Variants in ATP10D observed in about 807,000 individuals in gnomAD.
ATP10D encodes ATPase phospholipid transporting 10D (putative).
A neutral mutation model predicts 144.8 loss-of-function variants in ATP10D; 89 were observed. The observed-to-expected ratio is 0.61, with a 90% CI of 0.52 to 0.73. The LOEUF (loss-of-function observed/expected upper bound fraction) is 0.73, where lower values mean the gene tolerates loss of function less well. ATP10D is among the 30% of genes least tolerant of loss of function. The probability of loss-of-function intolerance (pLI) is 0.00; values close to 1 mark genes in which losing one functional copy is unlikely to be tolerated. For missense variants in ATP10D, 1,603 were observed against 1,714.8 expected, an observed-to-expected ratio of 0.93 and a Z score of 1.15; for synonymous variants, 571 against 615.1, an observed-to-expected ratio of 0.93 and a Z score of 1.06.
intron 1 of ATP10D, among the ~76,000 whole-genome samples, chr4:47,504,562 G>GA (rs1309653832): frequency 2.6e-5 from 4 of 151,896 alleles, no homozygotes; most frequent in Admixed American, 2.6e-4. Context: ...AGGTCAAGGA[G>GA]ACTTTTTTTT....
In ATP10D at chr4:47,546,603, A is replaced by G. The variant is rs182195155; in HGVS notation, c.1397-21A>G. On this transcript the variant is annotated intron_variant, in intron 9 of 22. Transcript: ENST00000273859. ...AGTGGCTCTTCTCAGACATTGACTCAGTGTGCTTTTTATCCCACAGCCAGG... is the reference window on the plus strand; with the variant it reads ...AGTGGCTCTTCTCAGACATTGACTCGGTGTGCTTTTTATCCCACAGCCAGG... 7.7e-5 allele frequency: 124 copies of G among 1,602,672 alleles called. 1 individual carries two copies. In the African/African-American group the frequency reaches 1.6e-3, roughly 20 times the overall value.
At chr4:47,528,775 A>C (rs1717409114) in intron 5 of ATP10D, among the ~76,000 whole-genome samples, 1 of 152,258 alleles carries the variant, frequency 6.6e-6, no homozygotes, top group South Asian at 2.1e-4. Context: ...ACACACCAAC[A>C]GTGTATAAGC....
intron 1 of ATP10D, among the ~76,000 whole-genome samples, chr4:47,487,252 A>T (rs112976134): frequency 6.7e-6 from 1 of 149,656 alleles, no homozygotes; most frequent in East Asian, 1.9e-4. Context: ...AAAAAAAAAT[A>T]GAATCTCATT....
At chr4:47,497,616 G>A (rs1285572948) in intron 1 of ATP10D, among the ~76,000 whole-genome samples, 1 of 152,114 alleles carries the variant, frequency 6.6e-6, no homozygotes, top group Non-Finnish European at 1.5e-5. Context: ...AATCATACTA[G>A]TATATAAAAT....
At chr4:47,493,418 C>T (rs1032706762) in intron 1 of ATP10D, among the ~76,000 whole-genome samples, 26 of 152,194 alleles carry the variant, frequency 1.7e-4, no homozygotes, top group African/African-American at 6.0e-4. Flanking sequence ...GTATAGTGTT[C>T]GATAAAGTAC....
chr4:47,527,202 A>G (rs1280457110), intron 5 of ATP10D, among the ~76,000 whole-genome samples: 1 of 152,112 alleles, frequency 6.6e-6, no homozygotes, highest in African/African-American at 2.4e-5. Context: ...ACATAGATGG[A>G]GAAAGGTTAT....
At chr4:47,561,434 A>G (rs561556226) in intron 14 of ATP10D, among the ~76,000 whole-genome samples, 1 of 152,314 alleles carries the variant, frequency 6.6e-6, no homozygotes, top group South Asian at 2.1e-4. Context: ...AATACGTGTT[A>G]TCTTTTTTTT....
At chr4:47,514,128 A>G (rs897944257) in intron 2 of ATP10D, among the ~76,000 whole-genome samples, 1 of 152,262 alleles carries the variant, frequency 6.6e-6, no homozygotes, top group African/African-American at 2.4e-5. Flanking sequence ...CAAGACGCCA[A>G]TGCAAGTAAA....
At chr4:47,509,596 A>T (rs55894040) in intron 1 of ATP10D, among the ~76,000 whole-genome samples, 29,346 of 152,168 alleles carry the variant, frequency 0.19, 2,991 homozygotes, top group Middle Eastern at 0.23. Flanking sequence ...TGTACAACAT[A>T]TTGTTACTGT....
chr4:47,524,629 G>A (rs1450736465), intron 4 of ATP10D, among the ~76,000 whole-genome samples: 2 of 152,152 alleles, frequency 1.3e-5, no homozygotes, highest in Non-Finnish European at 2.9e-5. Context: ...TGGTGACCTC[G>A]ATTGTAATCC....
chr4:47,491,254 G>A (rs924072892), intron 1 of ATP10D: 28 of 814,818 alleles, frequency 3.4e-5, no homozygotes, highest in South Asian at 6.7e-5. Context: ...CCAACAGCAC[G>A]CTGGGGAACT....
intron 17 of ATP10D, among the ~76,000 whole-genome samples, chr4:47,572,581 AAAAG>A (rs1720009246): frequency 6.6e-6 from 1 of 151,806 alleles, no homozygotes; most frequent in African/African-American, 2.4e-5. Context: ...CCGAGGGAAA[AAAAG>A]GGAAAGAAGA....
At chr4:47,557,563 G>A in intron 11 of ATP10D, 101 bp from the exon 12 acceptor site, 4 of 1,230,342 alleles carry the variant, frequency 3.3e-6, no homozygotes, top group East Asian at 2.4e-5. Flanking sequence ...ATTTAAGTGA[G>A]TGGTAACTCT....
intron 1 of ATP10D, among the ~76,000 whole-genome samples, chr4:47,505,535 C>T (rs1290859941): frequency 6.6e-6 from 1 of 152,024 alleles, no homozygotes; most frequent in African/African-American, 2.4e-5. Flanking sequence ...AACTGCCTGG[C>T]CAACATGGTG....
Position 47,558,059 on chromosome 4 carries a change from C to G in ATP10D, c.2220C>G (p.Tyr740Ter). 6.2e-7 allele frequency: 1 copy of G among 1,614,230 alleles called. No individual in the cohort carries two copies. Among genetic ancestry groups the G allele is most frequent in the South Asian group, 1.1e-5 (1 of 91,090 alleles). ...CCTTAGTGTATGCCGCCAGGGCTTA[C>G]CAATGCACTTTACGGTCTCGGACAC... The part of the protein sequence containing the change: ...EAALVYAARA[Y>*]QCTLRSRTPE... The change falls in exon 12 of 23, where the codon TAC becomes TAG. Residue 740 changes from tyrosine (Y) to a stop codon, truncating the protein, a stop_gained. Coordinates refer to ENST00000273859, the MANE Select transcript of ATP10D (RefSeq NM_020453.4). LOFTEE classifies it high-confidence loss of function.
rs752412350 is a variant in ATP10D, at chr4:47,569,044, T to C, written c.3061T>C (p.Ser1021Pro). 1.9e-6 allele frequency: 3 copies of C among 1,614,212 alleles called. No homozygotes were observed. The South Asian group carries it at 3.3e-5, about 18-fold the overall frequency. ...SLQKQFLELT[S>P]WCQAVVCCRA... The stretch of plus-strand genomic sequence containing the variant: ...GCAAAAGCAGTTCCTGGAACTGACA[T>C]CTTGGTGTCAAGCTGTGGTCTGCTG... Residue 1021 changes from serine (S) to proline (P), a missense_variant, in exon 16 of 23, where the codon TCT becomes CCT. Coordinates refer to ENST00000273859, the MANE Select transcript of ATP10D (RefSeq NM_020453.4).
intron 22 of ATP10D, among the ~76,000 whole-genome samples, chr4:47,587,884 G>A (rs181334452): frequency 2.0e-4 from 30 of 152,280 alleles, no homozygotes; most frequent in Non-Finnish European, 4.3e-4. Flanking sequence ...ATGACAGAAG[G>A]TGACTACTCA....
Position 47,523,209 on chromosome 4 carries a change from C to T in ATP10D, c.683C>T (p.Ala228Val), listed in dbSNP as rs1390109385. 6.2e-7 allele frequency: 1 copy of T among 1,613,474 alleles called. No individual in the cohort carries two copies. Among genetic ancestry groups the T allele is most frequent in the Non-Finnish European group, 8.5e-7 (1 of 1,179,714 alleles). The change falls in exon 4 of 23, where the codon GCA (alanine) becomes GTA (valine). Residue 228 changes from alanine to valine, a missense_variant. Coordinates refer to ENST00000273859, the MANE Select transcript of ATP10D (RefSeq NM_020453.4). The part of the protein sequence containing the change: ...LKQRQVVRGY[A>V]EQDSEVDPEK... ...CAGAGGCAGGTGGTTCGGGGATATG[C>T]AGAACAGGTAAGTCATATGTTCTCA...
chr4:47,529,920 T>C (rs1336507898), intron 5 of ATP10D, among the ~76,000 whole-genome samples: 2 of 152,136 alleles, frequency 1.3e-5, no homozygotes, highest in Non-Finnish European at 1.5e-5. Flanking sequence ...GTAAATGAGA[T>C]TGAGTTCTTT....
Sources: allele counts gnomAD v4.1 joint callset (sites outside exome capture counted in the v4.1 genomes callset), GRCh38; gene constraint gnomAD v4.1.1; transcripts MANE v1.5; gene names NCBI Gene and HGNC (gene_info 2026-07-23, HGNC 2026-07-21).